ZBTB2: variants seen among roughly 807,000 people sequenced by gnomAD.
ZBTB2 encodes zinc finger and BTB domain containing 2, also known as zinc finger and BTB domain-containing protein 2.
Under a neutral mutation model 39.5 loss-of-function variants are expected in ZBTB2, and 2 were observed. That is an observed-to-expected ratio of 0.05 (90% CI 0.02 to 0.16). The LOEUF (loss-of-function observed/expected upper bound fraction) is 0.16, where lower values mean the gene tolerates loss of function less well. Among genes scored for constraint, ZBTB2 ranks in the 10% least tolerant of loss-of-function variants. The pLI is 1.00. For missense variants in ZBTB2, 391 were observed against 653.0 expected (o/e 0.60, Z 4.37); for synonymous variants, 251 against 256.6 (o/e 0.98, Z 0.21).
At chr6:151,380,298 C>T (rs1261395025) in intron 1 of ZBTB2, among the ~76,000 whole-genome samples, 1 of 152,210 alleles carries the variant, frequency 6.6e-6, no homozygotes, top group Non-Finnish European at 1.5e-5. Context: ...TAGACTGTTC[C>T]ATATGTGAAC....
intron 1 of ZBTB2, among the ~76,000 whole-genome samples, chr6:151,391,184 C>A (rs1360938373): frequency 1.3e-5 from 2 of 151,494 alleles, no homozygotes. Context: ...CCGCCGCCCC[C>A]GCGAGGCGCC....
intron 2 of ZBTB2, 132 bp from the exon 3 acceptor site, chr6:151,367,024 T>A: frequency 2.1e-6 from 2 of 953,618 alleles, no homozygotes; most frequent in Non-Finnish European, 3.0e-6. Flanking sequence ...GTAAGTTTCA[T>A]GAAAATGGGA....
At chr6:151,367,266 G>A (rs1778671388) in intron 2 of ZBTB2, among the ~76,000 whole-genome samples, 1 of 151,944 alleles carries the variant, frequency 6.6e-6, no homozygotes, top group East Asian at 1.9e-4. Flanking sequence ...GATTACAGGC[G>A]CTCACTACCA....
intron 1 of ZBTB2, among the ~76,000 whole-genome samples, chr6:151,386,226 A>C (rs185585546): frequency 3.2e-4 from 48 of 152,328 alleles, no homozygotes; most frequent in African/African-American, 1.2e-3. Context: ...GGAAACTTAC[A>C]GATGATTACA....
intron 1 of ZBTB2, among the ~76,000 whole-genome samples, chr6:151,390,157 C>T (rs987422688): frequency 4.6e-5 from 7 of 152,032 alleles, no homozygotes; most frequent in African/African-American, 1.7e-4. Flanking sequence ...GCTCAACACG[C>T]TCCGTACCCG....
chr6:151,381,746 A>G (rs1426517620), intron 1 of ZBTB2, among the ~76,000 whole-genome samples: 2 of 152,116 alleles, frequency 1.3e-5, no homozygotes, highest in African/African-American at 4.8e-5. Flanking sequence ...ACAAACCTCT[A>G]AACTAGGGTC....
At chr6:151,375,523 T>C (rs1778887777) in intron 1 of ZBTB2, among the ~76,000 whole-genome samples, 1 of 152,188 alleles carries the variant, frequency 6.6e-6, no homozygotes, top group Admixed American at 6.5e-5. Context: ...TTCTAAAATG[T>C]ACATGTAAAG....
At chr6:151,387,335 G>A (rs1218124631) in intron 1 of ZBTB2, among the ~76,000 whole-genome samples, 1 of 151,658 alleles carries the variant, frequency 6.6e-6, no homozygotes, top group Non-Finnish European at 1.5e-5. Context: ...ACTGAATTAA[G>A]CAGATCTTCT....
At chr6:151,373,865 A>ACAAC (rs1255472271) in intron 1 of ZBTB2, among the ~76,000 whole-genome samples, 1 of 112,172 alleles carries the variant, frequency 8.9e-6, no homozygotes, top group African/African-American at 4.4e-5. Context: ...AAAAAAAAAA[A>ACAAC]AAAAAAAAAA....
At chr6:151,389,153 G>T (rs1435160246) in intron 1 of ZBTB2, among the ~76,000 whole-genome samples, 1 of 152,128 alleles carries the variant, frequency 6.6e-6, no homozygotes, top group Non-Finnish European at 1.5e-5. Flanking sequence ...CAGGAGCGGT[G>T]GCTCACCCCT....
rs1554336607 is a variant in ZBTB2 at position 151,373,870 on chromosome 6, A to AAACAAAAC, written c.-12-222_-12-221insGTTTTGTT. On this transcript the variant is annotated intron_variant, in intron 1 of 2. Coordinates refer to ENST00000325144, the MANE Select transcript of ZBTB2 (RefSeq NM_020861.3). ...AAAAAAAAAAAAAAAAAAAAAAAAA[A>AAACAAAAC]AAAAAAACCAGATGATGCCATTTAA... Among the ~76,000 whole-genome samples, 837 of 123,542 alleles carry AAACAAAAC rather than the reference A, an allele frequency of 6.8e-3. 23 individuals carry two copies. The highest frequency in any genetic ancestry group is 0.019 in the African/African-American group (537 of 28,142). 81.0% of individuals were successfully genotyped at this position (123,542 alleles called of 152,430 possible).
At chr6:151,367,203 C>T (rs1778670284) in intron 2 of ZBTB2, among the ~76,000 whole-genome samples, 1 of 151,874 alleles carries the variant, frequency 6.6e-6, no homozygotes, top group African/African-American at 2.4e-5. Context: ...TCACTGCAAG[C>T]TCCGCCTCCC....
At chr6:151,368,487 A>C (rs1210334495) in intron 2 of ZBTB2, among the ~76,000 whole-genome samples, 1 of 145,944 alleles carries the variant, frequency 6.9e-6, no homozygotes, top group Non-Finnish European at 1.5e-5. Flanking sequence ...ACAGAGTCTC[A>C]CTCTGTCACC....
intron 1 of ZBTB2, among the ~76,000 whole-genome samples, chr6:151,387,318 T>C (rs1009262476): frequency 2.6e-5 from 4 of 152,310 alleles, no homozygotes; most frequent in Admixed American, 2.0e-4. Context: ...TTGGAAAATA[T>C]CGGCTCACTG....
chr6:151,386,734 T>C (rs1779161877), intron 1 of ZBTB2, among the ~76,000 whole-genome samples: 1 of 152,222 alleles, frequency 6.6e-6, no homozygotes, highest in Non-Finnish European at 1.5e-5. Flanking sequence ...TTTCAATATT[T>C]TAGAGCAGAG....
intron 2 of ZBTB2, among the ~76,000 whole-genome samples, chr6:151,368,560 T>C (rs1778702380): frequency 6.6e-6 from 1 of 151,824 alleles, no homozygotes. Context: ...TCCAAGTGAT[T>C]CTCCTTCCTC....
At chr6:151,383,211 C>T (rs891337934) in intron 1 of ZBTB2, among the ~76,000 whole-genome samples, 1 of 152,038 alleles carries the variant, frequency 6.6e-6, no homozygotes, top group Non-Finnish European at 1.5e-5. Context: ...TGAGCCACCG[C>T]ACCAGGCCTG....
In ZBTB2 at chr6:151,365,538, T is replaced by C; in HGVS notation, c.1528A>G (p.Thr510Ala). 2 of 1,610,086 alleles carry C rather than the reference T, an allele frequency of 1.2e-6. No homozygotes were observed. Among genetic ancestry groups the C allele is most frequent in the Non-Finnish European group, 8.5e-7 (1 of 1,178,164 alleles). Reference protein sequence around the residue: ...VLASIKKEQETVLLD With the variant: ...VLASIKKEQEAVLLD The stretch of plus-strand genomic sequence containing the variant: ...AGTGACATTCAGTCTAGTAAGACGG[T>C]TTCTTGTTCCTTTTTGATGGAAGCT... The change falls in exon 3 of 3, where the codon ACC becomes GCC. Residue 510 changes from threonine to alanine, a missense_variant. By Grantham distance (58) the Thr-to-Ala change is moderately conservative. Transcript: ENST00000325144. The surrounding 1 kb of genome is among the most constrained non-coding windows in gnomAD (Gnocchi z 5.6).
chr6:151,379,575 G>C (rs1477117184), intron 1 of ZBTB2, among the ~76,000 whole-genome samples: 1 of 142,848 alleles, frequency 7.0e-6, no homozygotes, highest in African/African-American at 2.6e-5. Flanking sequence ...CCAGAGGGTT[G>C]AGGCTGCAGT....
Sources: allele counts gnomAD v4.1 joint callset (sites outside exome capture counted in the v4.1 genomes callset), GRCh38; gene constraint gnomAD v4.1.1; non-coding constraint Gnocchi (gnomAD v3.1); transcripts MANE v1.5; gene names NCBI Gene and HGNC (gene_info 2026-07-23, HGNC 2026-07-21).